FUBP1: variants seen among roughly 807,000 people sequenced by gnomAD.
The protein encoded by FUBP1 is far upstream element binding protein 1, also known as far upstream element-binding protein 1.
FUBP1 carries 16 observed loss-of-function variants against 94.9 expected under a neutral mutation model. That is an observed-to-expected ratio of 0.17 (90% confidence interval 0.11 to 0.26). The LOEUF (loss-of-function observed/expected upper bound fraction) is 0.26. Among genes scored for constraint, FUBP1 ranks in the 10% least tolerant of loss-of-function variants. The probability of loss-of-function intolerance (pLI) is 1.00; values close to 1 mark genes in which losing one functional copy is unlikely to be tolerated. For synonymous variants in FUBP1, 279 were observed against 254.9 expected (o/e 1.09, Z -0.90); for missense variants, 583 against 808.6 (o/e 0.72, Z 3.38).
Position 77,945,413 on chromosome 1 carries a change from GAA to G in FUBP1, c.*3351_*3352del. On this transcript the variant is annotated 3_prime_UTR_variant, in exon 20 of 20. Transcript: ENST00000370768. ...GATCAAGTGAATAGCACTTTAAAAT[GAA>G]AAGTGATCAAAAGCAGGTACATTAC... The G allele has an allele frequency of 4.7e-6, 1 of 212,196 alleles. No homozygotes were observed. Among genetic ancestry groups the G allele is most frequent in the East Asian group, 7.1e-5 (1 of 14,134 alleles). The allele number at this position is 212,196 out of a possible 1,614,324, so 13.1% of individuals were successfully genotyped here. A position where few individuals can be genotyped will look rare whatever the true frequency, so the allele number is the denominator to read the frequency against.
chr1:77,972,238 T>C lies in FUBP1; in HGVS notation c.121-2223A>G, dbSNP rs560645195. The stretch of plus-strand genomic sequence containing the variant: ...ACTGCTGGGTATCGACAGGCACTAA[T>C]AGTAGAAGGAAAGTATTTCAGGCCA... On this transcript the variant is annotated intron_variant, in intron 1 of 19. Coordinates refer to ENST00000370768, the MANE Select transcript of FUBP1 (RefSeq NM_003902.5). Among the ~76,000 whole-genome samples the C allele has an allele frequency of 7.0e-4, 107 of 152,238 alleles. No homozygotes were observed. In the Middle Eastern group the frequency reaches 0.01, roughly 15 times the overall value.
At position 77,960,361 on chromosome 1, in the gene FUBP1, T is replaced by C. The variant is rs750915938; in HGVS notation, c.1479A>G (p.Pro493=). 65 of 1,609,706 alleles carry C rather than the reference T, an allele frequency of 4.0e-5. No homozygotes were observed. In the South Asian group the frequency reaches 6.7e-4, roughly 17 times the overall value. Residue 493 remains proline, a synonymous_variant, in exon 15 of 20, where the codon CCA becomes CCG. Transcript: ENST00000370768. ...ATACTTACTGAGGAGCCGGGCCTGG[T>C]GGTCCAGGATTATAAGGTGCAGGGT... ...PYNPAPYNPG[P]PGPAPHGPPA... is the part of the protein sequence containing the mutation.
At chr1:77,963,995 C>T in intron 12 of FUBP1, 67 bp downstream of exon 12, 1 of 973,602 alleles carries the variant, frequency 1.0e-6, no homozygotes, top group Non-Finnish European at 1.7e-6. Flanking sequence ...GAGGTAACTT[C>T]AGATTTCATG....
rs1213414237 is a variant in FUBP1, at chr1:77,969,931, C to T, written c.205G>A (p.Asp69Asn). 6.8e-7 allele frequency: 1 copy of T among 1,469,168 alleles called. No homozygotes were observed. The highest frequency in any genetic ancestry group is 9.5e-7 in the Non-Finnish European group (1 of 1,054,346). The allele number at this position is 1,469,168 out of a possible 1,614,324, so 91.0% of individuals were successfully genotyped here. The change falls in exon 2 of 20, where the codon GAT becomes AAT. Residue 69 changes from aspartate (D) to asparagine (N), a missense_variant. Asp to Asn is a conservative substitution (Grantham distance 23). Transcript: ENST00000370768. ...GYGGQKRPLE[D>N]GDQPDAKKVA... is the part of the protein sequence containing the mutation. Reference sequence around the variant, plus strand: ...TACTTAGAGTATAACTTACCTCCATCTTCTAAAGGTCTTTTTTGTCCCCCA... The same window carrying T: ...TACTTAGAGTATAACTTACCTCCATTTTCTAAAGGTCTTTTTTGTCCCCCA...
At chr1:77,959,033 T>C (rs1458598199) in intron 16 of FUBP1, among the ~76,000 whole-genome samples, 1 of 152,234 alleles carries the variant, frequency 6.6e-6, no homozygotes, top group Admixed American at 6.5e-5. Context: ...ACTCAAGTCA[T>C]GCTTGGTAAC....
At chr1:77,973,116 A>T (rs1181457803) in intron 1 of FUBP1, among the ~76,000 whole-genome samples, 1 of 152,184 alleles carries the variant, frequency 6.6e-6, no homozygotes, top group Admixed American at 6.5e-5. Context: ...AGGATAGTTA[A>T]TTTAAGAAAA....
intron 18 of FUBP1, among the ~76,000 whole-genome samples, chr1:77,950,313 TG>T (rs1288719331): frequency 6.6e-6 from 1 of 152,102 alleles, no homozygotes; most frequent in Non-Finnish European, 1.5e-5. Context: ...AGGCCCACCA[TG>T]CCTAGCTGAC....
Position 77,956,589 on chromosome 1 carries a change from G to A in FUBP1, c.1688C>T (p.Thr563Ile), listed in dbSNP as rs778526898. 6.2e-7 allele frequency: 1 copy of A among 1,612,890 alleles called. No individual in the cohort carries two copies. The highest frequency in any genetic ancestry group is 8.5e-7 in the Non-Finnish European group (1 of 1,178,938). ...GTAGTTACCTTGTCCATTAGTTTGA[G>A]TTGTAGTTGGTGCACCTGCAGGGGC... ...PAAPAGAPTT[T>I]QTNGQGDQQN... Residue 563 changes from threonine (T) to isoleucine (I), a missense_variant, in exon 17 of 20, where the codon ACT (threonine) becomes ATT (isoleucine). Transcript: ENST00000370768.
Position 77,964,634 on chromosome 1 carries a change from A to G in FUBP1, c.837+12T>C, listed in dbSNP as rs1386800591. On this transcript the variant is annotated intron_variant, in intron 10 of 19. Transcript: ENST00000370768. ...AGCATACAACCATTTCTGAATGGGT[A>G]TTTTTACTTACATCTATCCCTTCAT... 5 of 1,437,596 alleles carry G rather than the reference A, an allele frequency of 3.5e-6. No homozygotes were observed. The highest frequency in any genetic ancestry group is 4.9e-6 in the Non-Finnish European group (5 of 1,019,858). 89.1% of individuals were successfully genotyped at this position (1,437,596 alleles called of 1,614,324 possible).
chr1:77,960,412 C>T lies in FUBP1; in HGVS notation c.1428G>A (p.Gly476=), dbSNP rs1367760883. The change falls in exon 15 of 20, where the codon GGG becomes GGA. Residue 476 remains glycine (G), a synonymous_variant. Coordinates refer to ENST00000370768, the MANE Select transcript of FUBP1 (RefSeq NM_003902.5). ...PGPHGPPGPP[G]PGTPMGPYNP... ...TGTATGGTCCCATTGGAGTTCCAGG[C>T]CCTGGAGGCCCAGGAGGTCCATGGG... 2.5e-6 allele frequency: 4 copies of T among 1,594,020 alleles called. 1 individual carries two copies. The highest frequency in any genetic ancestry group is 4.5e-5 in the East Asian group (2 of 44,728).
At chr1:77,950,218 C>T (rs929852096) in intron 18 of FUBP1, among the ~76,000 whole-genome samples, 11 of 152,126 alleles carry the variant, frequency 7.2e-5, no homozygotes, top group Non-Finnish European at 8.8e-5. Context: ...TGGAGTGCAG[C>T]GGTGCAATCA....
In FUBP1 at chr1:77,948,627, A is replaced by G; in HGVS notation, c.*139T>C. 1 of 712,532 alleles carries G rather than the reference A, an allele frequency of 1.4e-6. No homozygotes were observed. Among genetic ancestry groups the G allele is most frequent in the Non-Finnish European group, 1.8e-6 (1 of 542,950 alleles). The allele number at this position is 712,532 out of a possible 1,614,324, so 44.1% of individuals were successfully genotyped here. On this transcript the variant is annotated 3_prime_UTR_variant, in exon 20 of 20. Coordinates refer to ENST00000370768, the MANE Select transcript of FUBP1 (RefSeq NM_003902.5). ...GTGATAGATATTTTGTACATTTTCA[A>G]AAAAAAAAAAAAAAAAGGAAACACT...
At chr1:77,978,806 C>G in intron 1 of FUBP1, 79 bp downstream of exon 1, 1 of 1,547,748 alleles carries the variant, frequency 6.5e-7, no homozygotes, top group Non-Finnish European at 8.9e-7. Flanking sequence ...CTTCCTCATG[C>G]GCTTAAGGGT....
intron 7 of FUBP1, 67 bp from the exon 8 acceptor site, chr1:77,965,298 T>C (rs1656267724): frequency 9.3e-7 from 1 of 1,071,816 alleles, no homozygotes; most frequent in Non-Finnish European, 1.4e-6. Flanking sequence ...TAGAGAAATA[T>C]AAAACAATAT....
At position 77,944,337 on chromosome 1, in the gene FUBP1, T is replaced by C. The variant is rs1209947386; in HGVS notation, c.*4429A>G. 3.1e-5 allele frequency: 6 copies of C among 195,080 alleles called. No individual in the cohort carries two copies. The East Asian group carries it at 4.8e-4, about 16-fold the overall frequency. 12.1% of individuals were successfully genotyped at this position (195,080 alleles called of 1,614,324 possible). ...GCATAAGAAAATATATATATATATA[T>C]GCGCAAATACATTTAAGAGTTTCTA... On this transcript the variant is annotated 3_prime_UTR_variant, in exon 20 of 20. Transcript: ENST00000370768.
At chr1:77,958,666 A>G (rs989862325) in intron 16 of FUBP1, among the ~76,000 whole-genome samples, 3 of 152,200 alleles carry the variant, frequency 2.0e-5, no homozygotes, top group Admixed American at 6.5e-5. Flanking sequence ...CTTCACTACT[A>G]CTCCAAGTGA....
chr1:77,966,578 G>T, intron 7 of FUBP1, 116 bp downstream of exon 7: 1 of 660,806 alleles, frequency 1.5e-6, no homozygotes, highest in East Asian at 2.5e-5. Flanking sequence ...AGGACTTTGA[G>T]GGAAGGTGGC....
At chr1:77,967,565 T>A (rs1025621997) in intron 4 of FUBP1, 62 bp downstream of exon 4, 19 of 1,265,060 alleles carry the variant, frequency 1.5e-5, no homozygotes, top group Non-Finnish European at 2.1e-5. Context: ...AATGTGGTTG[T>A]GTTTTTACAT....
chr1:77,971,168 T>TCATG (rs1458568849), intron 1 of FUBP1, among the ~76,000 whole-genome samples: 1 of 152,156 alleles, frequency 6.6e-6, no homozygotes, highest in African/African-American at 2.4e-5. Context: ...CCATGGGGAA[T>TCATG]CATGGAGTGG....
Sources: gnomAD v4.1 joint callset for allele counts (sites outside exome capture counted in the v4.1 genomes callset) on GRCh38, gnomAD v4.1.1 for gene constraint, MANE v1.5 for transcripts, NCBI Gene and HGNC (gene_info 2026-07-23, HGNC 2026-07-21) for gene names.